The following WWOX variants were observed in gnomAD, a reference collection of about 807,000 sequenced individuals.
The protein encoded by WWOX is WW domain containing oxidoreductase, also known as WW domain-containing oxidoreductase.
In WWOX, 69 loss-of-function variants were observed where a neutral mutation model predicts 46.2. That is an observed-to-expected ratio of 1.49 (90% CI 1.23 to 1.82). The LOEUF (loss-of-function observed/expected upper bound fraction) is 1.82. WWOX is among the 40% of genes most tolerant of loss of function. WWOX has a pLI of 0.00. For synonymous variants in WWOX, 359 were observed against 202.6 expected, an observed-to-expected ratio of 1.77 and a Z score of -6.56; for missense variants, 919 against 542.6, an observed-to-expected ratio of 1.69 and a Z score of -6.89.
chr16:78,689,657 C>G (rs1192397185), intron 8 of WWOX, among the ~76,000 whole-genome samples: 1 of 152,138 alleles, frequency 6.6e-6, no homozygotes, highest in Non-Finnish European at 1.5e-5. Context: ...CTTGTGGTTC[C>G]TTGTAGTAAT....
chr16:78,476,945 C>T (rs893532599), intron 8 of WWOX, among the ~76,000 whole-genome samples: 1 of 151,972 alleles, frequency 6.6e-6, no homozygotes, highest in Non-Finnish European at 1.5e-5. Flanking sequence ...CCTTCAGTTC[C>T]CTCTTTCCTC....
intron 8 of WWOX, among the ~76,000 whole-genome samples, chr16:78,493,469 A>G (rs1015419062): frequency 1.3e-5 from 2 of 152,196 alleles, no homozygotes; most frequent in African/African-American, 4.8e-5. Context: ...TAACGTGTTT[A>G]TTTATGATTT....
chr16:78,541,512 G>A (rs1422347351), intron 8 of WWOX, among the ~76,000 whole-genome samples: 3 of 127,722 alleles, frequency 2.3e-5, no homozygotes, highest in Non-Finnish European at 3.2e-5. Flanking sequence ...AAAAAGACAC[G>A]TACACAGACA....
At chr16:78,690,444 C>T (rs12935036) in intron 8 of WWOX, among the ~76,000 whole-genome samples, 48,705 of 151,954 alleles carry the variant, frequency 0.32, 8,887 homozygotes, top group Admixed American at 0.5. Context: ...CCTAGCTACT[C>T]AGGAAGCTGA....
chr16:78,785,459 T>C (rs2050432885), intron 8 of WWOX, among the ~76,000 whole-genome samples: 1 of 152,212 alleles, frequency 6.6e-6, no homozygotes. Context: ...CAACTGGCTC[T>C]CTGAAAAACA....
At chr16:78,178,270 C>G (rs994615350) in intron 5 of WWOX, among the ~76,000 whole-genome samples, 8 of 152,348 alleles carry the variant, frequency 5.3e-5, no homozygotes, top group African/African-American at 1.9e-4. Context: ...TCTGCAGTTA[C>G]TAAGCACTTT....
chr16:78,985,133 C>T (rs1256854410), intron 8 of WWOX, among the ~76,000 whole-genome samples: 1 of 152,202 alleles, frequency 6.6e-6, no homozygotes, highest in Non-Finnish European at 1.5e-5. Context: ...ATCTGAATTG[C>T]AGATGGCTTT....
chr16:78,520,671 G>C (rs2043328581), intron 8 of WWOX, among the ~76,000 whole-genome samples: 1 of 152,038 alleles, frequency 6.6e-6, no homozygotes, highest in South Asian at 2.1e-4. Flanking sequence ...AATAATGTTT[G>C]TTATGAAGTC....
At chr16:78,444,218 T>A (rs566269512) in intron 8 of WWOX, among the ~76,000 whole-genome samples, 160 of 152,330 alleles carry the variant, frequency 1.1e-3, no homozygotes, top group African/African-American at 3.7e-3. Flanking sequence ...CTTCTTTATG[T>A]CTTACTCATC....
chr16:78,421,705 A>AT (rs2082936199), intron 6 of WWOX, among the ~76,000 whole-genome samples: 1 of 152,168 alleles, frequency 6.6e-6, no homozygotes, highest in African/African-American at 2.4e-5. Flanking sequence ...ATGGGGAAGC[A>AT]TTTTATATAG....
intron 8 of WWOX, among the ~76,000 whole-genome samples, chr16:78,707,926 G>A (rs1357153286): frequency 6.6e-6 from 1 of 152,156 alleles, no homozygotes; most frequent in Non-Finnish European, 1.5e-5. Context: ...TTCGGTTGGT[G>A]CAAAAGCAAT....
At chr16:79,148,979 T>C (rs1240166914) in intron 8 of WWOX, among the ~76,000 whole-genome samples, 2 of 152,208 alleles carry the variant, frequency 1.3e-5, no homozygotes, top group Non-Finnish European at 2.9e-5. Flanking sequence ...TGTCATGTCA[T>C]ATGCAAATAG....
At chr16:78,633,177 G>C (rs898744327) in intron 8 of WWOX, among the ~76,000 whole-genome samples, 1 of 152,080 alleles carries the variant, frequency 6.6e-6, no homozygotes, top group Non-Finnish European at 1.5e-5. Context: ...CAGGAGAATC[G>C]CTTGAGCCTG....
intron 8 of WWOX, among the ~76,000 whole-genome samples, chr16:78,787,298 A>G (rs2050481654): frequency 6.6e-6 from 1 of 152,072 alleles, no homozygotes; most frequent in South Asian, 2.1e-4. Context: ...CTAAAGAAAC[A>G]CCATATCCAT....
rs2080414528 is a variant in WWOX at position 78,319,171 on chromosome 16, G to T, written c.517-67689G>T. 2.6e-5 allele frequency among the ~76,000 whole-genome samples: 4 copies of T among 152,230 alleles called. No individual in the cohort carries two copies. The South Asian group carries it at 8.3e-4, about 32-fold the overall frequency. ...CACATTGCTGGCTTTGAAAATGGAG[G>T]GAGGCGGGCATGAGCCACAGAAAGT... On this transcript the variant is annotated intron_variant, in intron 5 of 8. Coordinates refer to ENST00000566780, the MANE Select transcript of WWOX (RefSeq NM_016373.4).
chr16:78,587,906 T>C (rs78505173), intron 8 of WWOX, among the ~76,000 whole-genome samples: 5,143 of 152,324 alleles, frequency 0.034, 122 homozygotes, highest in Middle Eastern at 0.075. Context: ...TGTTTACTTA[T>C]GGTTATGTAA....
intron 8 of WWOX, among the ~76,000 whole-genome samples, chr16:78,724,760 A>G (rs1376272696): frequency 6.6e-6 from 1 of 152,096 alleles, no homozygotes; most frequent in African/African-American, 2.4e-5. Context: ...CCTGAAGGAG[A>G]CATTTTCTGG....
chr16:78,238,135 C>T (rs139920964), intron 5 of WWOX: 16 of 152,326 alleles, frequency 1.1e-4, no homozygotes, highest in African/African-American at 3.6e-4. Context: ...TCGGTTCCAG[C>T]TTGGAAATAT....
At chr16:78,780,237 C>G (rs1050357332) in intron 8 of WWOX, among the ~76,000 whole-genome samples, 13 of 152,144 alleles carry the variant, frequency 8.5e-5, no homozygotes, top group African/African-American at 2.2e-4. Flanking sequence ...CTTAACATCT[C>G]TGGAAGCTGG....
Sources: gnomAD v4.1 joint callset for allele counts (sites outside exome capture counted in the v4.1 genomes callset) on GRCh38, gnomAD v4.1.1 for gene constraint, MANE v1.5 for transcripts, NCBI Gene and HGNC (gene_info 2026-07-23, HGNC 2026-07-21) for gene names.